MAP4: variants seen among roughly 807,000 people sequenced by gnomAD.
The protein encoded by MAP4 is microtubule associated protein 4, also known as microtubule-associated protein 4.
Under a neutral mutation model 170.2 loss-of-function variants are expected in MAP4, and 76 were observed. That is an observed-to-expected ratio of 0.45 (90% CI 0.37 to 0.54). The LOEUF (loss-of-function observed/expected upper bound fraction) is 0.54. MAP4 is among the 20% of genes least tolerant of loss of function. The pLI is 0.00. For synonymous variants in MAP4, 909 were observed against 994.5 expected (o/e 0.91, Z 1.62); for missense variants, 2,506 against 2,748.0 (o/e 0.91, Z 1.97).
chr3:47,861,542 G>T (rs948508624), intron 17 of MAP4, among the ~76,000 whole-genome samples: 11 of 151,004 alleles, frequency 7.3e-5, no homozygotes, highest in Admixed American at 1.3e-4. Context: ...TAGTAGAGCC[G>T]GGGTTTCACT....
intron 3 of MAP4, among the ~76,000 whole-genome samples, chr3:47,951,941 T>C (rs183818583): frequency 6.7e-6 from 1 of 150,272 alleles, no homozygotes; most frequent in Non-Finnish European, 1.5e-5. Context: ...AACTAGGAAG[T>C]GTGGAGCGTC....
chr3:48,048,937 C>A (rs2100126054), intron 1 of MAP4, among the ~76,000 whole-genome samples: 2 of 152,176 alleles, frequency 1.3e-5, no homozygotes, highest in Non-Finnish European at 1.5e-5. Context: ...ACCTACTACC[C>A]CCCTGTCCCC....
chr3:47,910,893 T>G lies in MAP4; in HGVS notation c.3528A>C (p.Thr1176=), dbSNP rs550493451. Residue 1176 remains threonine, a synonymous_variant, in exon 9 of 21, where the codon ACA becomes ACC. Transcript: ENST00000683076. ...MTQTSGVSTE[T]GDVVKDMGVN... is the part of the protein sequence containing the mutation. ...CACCCATATCTTTGACTACATCTCCTGTTTCTGTGCTAACACCAGAAGTCT... is the reference window on the plus strand; with the variant it reads ...CACCCATATCTTTGACTACATCTCCGGTTTCTGTGCTAACACCAGAAGTCT... 2 of 1,536,156 alleles carry G rather than the reference T, an allele frequency of 1.3e-6. No homozygotes were observed. The highest frequency in any genetic ancestry group is 1.7e-6 in the Non-Finnish European group (2 of 1,146,916).
intron 10 of MAP4, among the ~76,000 whole-genome samples, chr3:47,878,906 T>C (rs936957061): frequency 6.6e-5 from 10 of 152,052 alleles, no homozygotes; most frequent in Admixed American, 4.6e-4. Context: ...GAGAATAATA[T>C]AGGGAAATAT....
At position 48,009,262 on chromosome 3, in the gene MAP4, A is replaced by G. The variant is rs187027720; in HGVS notation, c.-20+7072T>C. On this transcript the variant is annotated intron_variant, in intron 1 of 20. Transcript: ENST00000683076. ...ATTACAGGCACCCGCCACCACACCC[A>G]GCTAATTTTTGTATTTTCAGTAGAG... 7.6e-4 allele frequency among the ~76,000 whole-genome samples: 115 copies of G among 152,138 alleles called. 1 individual carries two copies. The East Asian group carries it at 0.02, about 26-fold the overall frequency.
chr3:47,857,246 C>A (rs1044101904), intron 18 of MAP4, among the ~76,000 whole-genome samples, 185 bp downstream of exon 18: 8 of 152,214 alleles, frequency 5.3e-5, no homozygotes, highest in Admixed American at 2.6e-4. Context: ...TGCTCCTCCT[C>A]CACTTAGAGG....
chr3:47,915,805 G>T, intron 7 of MAP4, 146 bp downstream of exon 7: 1 of 805,682 alleles, frequency 1.2e-6, no homozygotes, highest in Non-Finnish European at 1.9e-6. Context: ...AGGCGGGAAA[G>T]AGTTGTCTAG....
chr3:47,900,035 ATTCT>A (rs2100029175), intron 10 of MAP4, among the ~76,000 whole-genome samples: 2 of 152,158 alleles, frequency 1.3e-5, no homozygotes, highest in African/African-American at 4.8e-5. Context: ...GTTTCTCTGC[ATTCT>A]TTCTTATCAG....
chr3:47,899,430 G>A (rs1162775247), intron 10 of MAP4, among the ~76,000 whole-genome samples: 6 of 152,100 alleles, frequency 3.9e-5, no homozygotes, highest in African/African-American at 1.2e-4. Flanking sequence ...GTGAACCACC[G>A]CACCCGGCCC....
chr3:47,852,860 G>C lies in MAP4; in HGVS notation c.*74C>G. On this transcript the variant is annotated 3_prime_UTR_variant, in exon 21 of 21. Coordinates refer to ENST00000683076, the MANE Select transcript of MAP4 (RefSeq NM_001385682.1). ...GAGTTGGGGCCGCCAGGGAAGTGTG[G>C]GGGGCGGGAGACAATGTCGGCCCCG... 2 of 1,566,782 alleles carry C rather than the reference G, an allele frequency of 1.3e-6. No individual in the cohort carries two copies. The highest frequency in any genetic ancestry group is 1.7e-6 in the Non-Finnish European group (2 of 1,155,710).
At chr3:47,901,976 A>G (rs2100030296) in intron 10 of MAP4, among the ~76,000 whole-genome samples, 1 of 152,110 alleles carries the variant, frequency 6.6e-6, no homozygotes, top group African/African-American at 2.4e-5. Flanking sequence ...CCTGGGCAAC[A>G]GAGTGAGACC....
chr3:48,044,726 G>A (rs1037844905), intron 1 of MAP4, among the ~76,000 whole-genome samples: 6 of 151,854 alleles, frequency 4.0e-5, no homozygotes, highest in African/African-American at 1.2e-4. Context: ...AGCTGAGACT[G>A]CACCACTGTA....
Position 48,061,328 on chromosome 3 carries a change from G to A in MAP4, c.-20+27445C>T, listed in dbSNP as rs963047392. Among the ~76,000 whole-genome samples the A allele has an allele frequency of 2.8e-4, 41 of 146,658 alleles. No individual in the cohort carries two copies. In the East Asian group the frequency reaches 5.4e-3, roughly 19 times the overall value. On this transcript the variant is annotated intron_variant, in intron 1 of 18. Transcript: ENST00000360240. Reference sequence around the variant, plus strand: ...CTCCCTCAGCCTGCCGAGTGCCTGCGATTGCAGGCACGCGCCGCCACGCCT... The same window carrying A: ...CTCCCTCAGCCTGCCGAGTGCCTGCAATTGCAGGCACGCGCCGCCACGCCT...
chr3:47,994,550 T>C (rs777019484), intron 2 of MAP4, among the ~76,000 whole-genome samples: 9 of 152,214 alleles, frequency 5.9e-5, no homozygotes, highest in Non-Finnish European at 1.2e-4. Context: ...AGCAGTAGAT[T>C]TTCTTGTGCT....
intron 10 of MAP4, among the ~76,000 whole-genome samples, chr3:47,885,036 TG>T (rs2097339471): frequency 6.6e-6 from 1 of 152,336 alleles, no homozygotes; most frequent in South Asian, 2.1e-4. Flanking sequence ...CTGAGCCCAC[TG>T]CTGGGGATGG....
At chr3:47,994,936 G>A (rs1177576550) in intron 2 of MAP4, among the ~76,000 whole-genome samples, 2 of 150,524 alleles carry the variant, frequency 1.3e-5, no homozygotes, top group Admixed American at 6.6e-5. Context: ...GCAATAGAGC[G>A]GGACTCCATC....
chr3:47,857,588 T>TAATAAATAAATAATAA, intron 17 of MAP4, 76 bp from the exon 18 acceptor site: 1 of 990,864 alleles, frequency 1.0e-6, no homozygotes, highest in South Asian at 1.3e-5. Context: ...ACCTTTTAAA[T>TAATAAATAAATAATAA]CTTCTCCATG....
Position 47,909,328 on chromosome 3 carries a change from T to G in MAP4, c.5093A>C (p.His1698Pro), listed in dbSNP as rs767145721. 2 of 1,613,882 alleles carry G rather than the reference T, an allele frequency of 1.2e-6. No individual in the cohort carries two copies. Among genetic ancestry groups the G allele is most frequent in the African/African-American group, 2.7e-5 (2 of 74,938 alleles). ...TGAAGGAGGAGCTTCGACTTTGCTA[T>G]GTAAGAAATCTGACTGGATTTCTGG... ...PTPEIQSDFLHSKVEAPPSEV... is the reference protein window; with the variant it reads ...PTPEIQSDFLPSKVEAPPSEV... The change falls in exon 9 of 21, where the codon CAT becomes CCT. Residue 1698 changes from histidine (H) to proline (P), a missense_variant. Physicochemically the swap from His to Pro is moderately conservative, Grantham distance 77. Around this residue, in one of 3 missense-constraint regions of MAP4, gnomAD observed 2,008 missense variants for 2,206.0 expected, o/e 0.91. Transcript: ENST00000683076.
chr3:48,043,907 G>A (rs569957377), intron 1 of MAP4, among the ~76,000 whole-genome samples: 62 of 152,074 alleles, frequency 4.1e-4, no homozygotes, highest in African/African-American at 1.4e-3. Context: ...GTGCAGTGGC[G>A]CGACCTTGGC....
Sources: gnomAD v4.1 joint callset for allele counts (sites outside exome capture counted in the v4.1 genomes callset) on GRCh38, gnomAD v4.1.1 for gene constraint, gnomAD v4.1.1 regional missense constraint, MANE v1.5 for transcripts, NCBI Gene and HGNC (gene_info 2026-07-23, HGNC 2026-07-21) for gene names.